The following SUGCT variants were observed in gnomAD, a reference collection of about 807,000 sequenced individuals.
SUGCT encodes succinyl-CoA:glutarate CoA-transferase.
Under a neutral mutation model 55.0 loss-of-function variants are expected in SUGCT, and 41 were observed. That is an observed-to-expected ratio of 0.74 (90% confidence interval 0.58 to 0.97). The LOEUF is 0.97. SUGCT is among the 50% of genes least tolerant of loss of function. The pLI is 0.00. For synonymous variants in SUGCT, 187 were observed against 200.4 expected, an observed-to-expected ratio of 0.93 and a Z score of 0.56; for missense variants, 568 against 547.8, an observed-to-expected ratio of 1.04 and a Z score of -0.37.
At chr7:40,947,284 T>G in the SUGCT span, among the ~76,000 whole-genome samples, 1 of 152,198 alleles carries the variant, frequency 6.6e-6, no homozygotes, top group Non-Finnish European at 1.5e-5. Context: ...TAATTTCTAC[T>G]TGGCTCTTTT....
In SUGCT at chr7:40,449,721, C is replaced by T. The variant is rs544444831; in HGVS notation, c.888+363C>T. On this transcript the variant is annotated intron_variant, in intron 10 of 13. Coordinates refer to ENST00000335693, the MANE Select transcript of SUGCT (RefSeq NM_001193313.2). ...TCTTCCTTTCGTTCTCTCCCTCCTT[C>T]TCTTTTACTATATCAGGTTAATTGG... Among the ~76,000 whole-genome samples, 3 of 152,144 alleles carry T rather than the reference C, an allele frequency of 2.0e-5. No homozygotes were observed. In the South Asian group the frequency reaches 6.2e-4, roughly 32 times the overall value.
the SUGCT span, among the ~76,000 whole-genome samples, chr7:40,897,980 C>T: frequency 6.6e-6 from 1 of 152,190 alleles, no homozygotes; most frequent in African/African-American, 2.4e-5. Flanking sequence ...CCTGCGCCAA[C>T]AGTGGCCACC....
intron 12 of SUGCT, among the ~76,000 whole-genome samples, chr7:40,572,590 T>A: frequency 6.6e-6 from 1 of 152,188 alleles, no homozygotes; most frequent in East Asian, 1.9e-4. Context: ...ATGGGGATTA[T>A]CTTCAGTTTA....
chr7:40,924,491 C>T, the SUGCT span, among the ~76,000 whole-genome samples: 24 of 152,106 alleles, frequency 1.6e-4, no homozygotes, highest in East Asian at 1.9e-4. Context: ...TGAGCTCAAG[C>T]GATCTGCCTG....
chr7:41,025,070 T>C, the SUGCT span, among the ~76,000 whole-genome samples: 1 of 152,204 alleles, frequency 6.6e-6, no homozygotes, highest in African/African-American at 2.4e-5. Context: ...TATATAATTT[T>C]GGTAAATTGA....
At chr7:40,789,924 C>T (rs1205382284) in intron 13 of SUGCT, among the ~76,000 whole-genome samples, 6 of 152,050 alleles carry the variant, frequency 3.9e-5, no homozygotes, top group African/African-American at 1.5e-4. Context: ...GTCCAAGTCA[C>T]CTTGACTAGT....
the SUGCT span, among the ~76,000 whole-genome samples, chr7:40,897,917 G>T: frequency 8.6e-6 from 1 of 116,388 alleles, no homozygotes; most frequent in Admixed American, 9.3e-5. Flanking sequence ...TCTGTAAAAT[G>T]AACCAATCAG....
intron 11 of SUGCT, among the ~76,000 whole-genome samples, chr7:40,459,967 T>C (rs1457909970): frequency 1.3e-5 from 2 of 152,198 alleles, no homozygotes; most frequent in African/African-American, 2.4e-5. Context: ...TGGATCTAAA[T>C]GCCCACATGA....
chr7:40,235,359 A>T (rs1321459640), intron 6 of SUGCT, among the ~76,000 whole-genome samples: 2 of 151,996 alleles, frequency 1.3e-5, no homozygotes, highest in African/African-American at 2.4e-5. Context: ...ACAGACTCTC[A>T]CTCTATTGCC....
At chr7:40,976,722 C>T in the SUGCT span, among the ~76,000 whole-genome samples, 1 of 152,122 alleles carries the variant, frequency 6.6e-6, no homozygotes, top group African/African-American at 2.4e-5. Context: ...GTCTCATGAT[C>T]CCATTTGCAG....
chr7:40,338,576 C>T (rs935682420), intron 9 of SUGCT, among the ~76,000 whole-genome samples: 21 of 152,158 alleles, frequency 1.4e-4, no homozygotes, highest in African/African-American at 3.9e-4. Flanking sequence ...ACCTAGTTCT[C>T]GTGCCATGGT....
chr7:40,854,419 C>CTCTTTCTTTCTTT (rs200586474), intron 13 of SUGCT, among the ~76,000 whole-genome samples: 11 of 88,840 alleles, frequency 1.2e-4, no homozygotes, highest in African/African-American at 5.1e-4. Context: ...TTCTTTCTTT[C>CTCTTTCTTTCTTT]CTTTCTTTCT....
At chr7:40,856,003 C>T (rs369205594) in intron 13 of SUGCT, among the ~76,000 whole-genome samples, 6 of 152,186 alleles carry the variant, frequency 3.9e-5, no homozygotes, top group African/African-American at 1.4e-4. Flanking sequence ...TTCAGACATT[C>T]AATCCTTCTT....
At chr7:40,325,467 A>G (rs1287346171) in intron 9 of SUGCT, among the ~76,000 whole-genome samples, 2 of 152,176 alleles carry the variant, frequency 1.3e-5, no homozygotes, top group Non-Finnish European at 2.9e-5. Context: ...GTATACATAC[A>G]TGTATGTATG....
At chr7:40,951,862 T>C in the SUGCT span, among the ~76,000 whole-genome samples, 1 of 152,232 alleles carries the variant, frequency 6.6e-6, no homozygotes. Context: ...TGAGGAGTGC[T>C]TTACTTCCAA....
intron 12 of SUGCT, among the ~76,000 whole-genome samples, chr7:40,535,861 T>G (rs1794334022): frequency 6.6e-6 from 1 of 152,182 alleles, no homozygotes; most frequent in African/African-American, 2.4e-5. Context: ...TAATAGCAGT[T>G]GACTAGTGTG....
chr7:40,670,672 T>G (rs1801896235), intron 12 of SUGCT, among the ~76,000 whole-genome samples: 1 of 152,108 alleles, frequency 6.6e-6, no homozygotes, highest in Non-Finnish European at 1.5e-5. Context: ...TTTGACAACT[T>G]AGATGGAATT....
chr7:40,281,336 G>C (rs1003158514), intron 8 of SUGCT, among the ~76,000 whole-genome samples: 1 of 152,214 alleles, frequency 6.6e-6, no homozygotes, highest in African/African-American at 2.4e-5. Flanking sequence ...TAGGATGAAA[G>C]AGTAGAGAGG....
At chr7:40,940,786 CT>C in the SUGCT span, among the ~76,000 whole-genome samples, 2 of 151,872 alleles carry the variant, frequency 1.3e-5, no homozygotes, top group Non-Finnish European at 2.9e-5. Flanking sequence ...TTGGAGGAAT[CT>C]TTAGAGTTTT....
Sources: allele counts gnomAD v4.1 joint callset (sites outside exome capture counted in the v4.1 genomes callset), GRCh38; gene constraint gnomAD v4.1.1; transcripts MANE v1.5; gene names NCBI Gene and HGNC (gene_info 2026-07-23, HGNC 2026-07-21).